EP400: variants seen among roughly 807,000 people sequenced by gnomAD.
EP400 encodes E1A binding protein p400, also known as E1A-binding protein p400.
A neutral mutation model predicts 354.1 loss-of-function variants in EP400; 105 were observed. The ratio of observed to expected loss-of-function variants is 0.30; its 90% CI spans 0.25 to 0.35. EP400 has a LOEUF of 0.35. Among genes scored for constraint, EP400 ranks in the 10% least tolerant of loss-of-function variants. The pLI, the probability that EP400 is intolerant of heterozygous loss-of-function variation, is 1.00. For synonymous variants in EP400, 1,646 were observed against 1,716.9 expected (o/e 0.96, Z 1.02); for missense variants, 3,280 against 4,121.0 (o/e 0.80, Z 5.59).
At chr12:131,980,941 G>A (rs80218017) in intron 3 of EP400, among the ~76,000 whole-genome samples, 1,982 of 152,314 alleles carry the variant, frequency 0.013, 52 homozygotes, top group African/African-American at 0.045. Context: ...GTGCTCAATT[G>A]CCCACCAAAA....
intron 45 of EP400, among the ~76,000 whole-genome samples, chr12:132,060,504 G>C (rs112111722): frequency 2.1e-3 from 323 of 152,368 alleles, no homozygotes; most frequent in African/African-American, 7.5e-3. Context: ...TGCCTTCAGA[G>C]GTGGAGCGGC....
At chr12:131,993,597 G>A (rs1234476915) in intron 11 of EP400, among the ~76,000 whole-genome samples, 1 of 152,144 alleles carries the variant, frequency 6.6e-6, no homozygotes, top group Non-Finnish European at 1.5e-5. Context: ...CTTAACAACG[G>A]GGATATATTC....
intron 1 of EP400, among the ~76,000 whole-genome samples, chr12:131,959,083 G>T (rs1305229884): frequency 2.6e-5 from 4 of 152,236 alleles, no homozygotes; most frequent in Non-Finnish European, 5.9e-5. Flanking sequence ...GCCTAAGTGT[G>T]AACTGGAACA....
chr12:132,011,834 G>A (rs1172015099), intron 16 of EP400, among the ~76,000 whole-genome samples, 200 bp downstream of exon 16: 1 of 152,098 alleles, frequency 6.6e-6, no homozygotes, highest in African/African-American at 2.4e-5. Context: ...TGTGAGGAGG[G>A]CCACGCACTC....
chr12:132,071,358 G>A (rs1248315970), intron 51 of EP400, among the ~76,000 whole-genome samples: 3 of 152,034 alleles, frequency 2.0e-5, no homozygotes, highest in Non-Finnish European at 4.4e-5. Context: ...ACCTGCCTTT[G>A]ACAGATCCAT....
intron 2 of EP400, among the ~76,000 whole-genome samples, chr12:131,973,197 C>A (rs1188884920): frequency 6.6e-6 from 1 of 152,160 alleles, no homozygotes; most frequent in Non-Finnish European, 1.5e-5. Flanking sequence ...ATTCATCTAA[C>A]CACTTTCTAG....
At chr12:132,006,453 C>A in intron 14 of EP400, 151 bp downstream of exon 14, 1 of 1,067,888 alleles carries the variant, frequency 9.4e-7, no homozygotes, top group Non-Finnish European at 1.3e-6. Flanking sequence ...GCCTGTAGTC[C>A]CAGCTACTCA....
chr12:131,999,430 G>A (rs1359592467), intron 12 of EP400, among the ~76,000 whole-genome samples: 1 of 152,100 alleles, frequency 6.6e-6, no homozygotes, highest in African/African-American at 2.4e-5. Context: ...TATGTTGTAG[G>A]TGGGTATTGC....
At chr12:132,066,537 G>A (rs1359121043) in intron 48 of EP400, 1 of 510,664 alleles carries the variant, frequency 2.0e-6, no homozygotes, top group Admixed American at 4.2e-5. Context: ...TCTGAACGCA[G>A]CAGCATGTGT....
chr12:132,019,886 A>G (rs925447194), intron 21 of EP400, among the ~76,000 whole-genome samples, 163 bp from the exon 22 acceptor site: 1 of 152,132 alleles, frequency 6.6e-6, no homozygotes, highest in African/African-American at 2.4e-5. Flanking sequence ...TACCTAGAGC[A>G]GTACTTAGGC....
intron 12 of EP400, among the ~76,000 whole-genome samples, chr12:131,996,781 TCTTC>T (rs1566178997): frequency 1.3e-5 from 2 of 152,204 alleles, no homozygotes; most frequent in African/African-American, 4.8e-5. Flanking sequence ...TTTTCGTGTT[TCTTC>T]CTTTGTTCAT....
rs1895833153 is a variant in EP400 at position 132,064,753 on chromosome 12, C to T, written c.8420C>T (p.Pro2807Leu). 3.1e-6 allele frequency: 5 copies of T among 1,613,678 alleles called. No homozygotes were observed. ...PPQAQSAPPQPTAQVQVQTSQ... is the reference protein window; with the variant it reads ...PPQAQSAPPQLTAQVQVQTSQ... Reference sequence around the variant, plus strand: ...CAGGCCCAGTCTGCGCCCCCGCAGCCAACAGCCCAAGTGCAAGTGCAGACC... The same window carrying T: ...CAGGCCCAGTCTGCGCCCCCGCAGCTAACAGCCCAAGTGCAAGTGCAGACC... Residue 2807 changes from proline to leucine, a missense_variant, in exon 48 of 53, where the codon CCA becomes CTA. This residue lies in a region of EP400 where 86 missense variants were observed against 66.4 expected (regional missense o/e 1.29). Transcript: ENST00000389561.
intron 30 of EP400, 143 bp downstream of exon 30, chr12:132,032,292 C>T: frequency 3.4e-6 from 3 of 887,944 alleles, no homozygotes; most frequent in Non-Finnish European, 1.7e-6. Flanking sequence ...AATGCAGAAA[C>T]AAAAGGTAGC....
In EP400 at chr12:132,029,805, TGA is replaced by T. The variant is rs1202933270; in HGVS notation, c.5492_5493del (p.Glu1831AlafsTer22). 6.2e-7 allele frequency: 1 copy of T among 1,613,636 alleles called. No individual in the cohort carries two copies. ...AGAATGAGGATCTTGAGGCAGGGCC[TGA>T]GAGAGCACGCTGCGCCGTACTTCCA... On this transcript the variant is annotated frameshift_variant, in exon 28 of 53. Coordinates refer to ENST00000389561, the MANE Select transcript of EP400 (RefSeq NM_015409.5). LOFTEE classifies it high-confidence loss of function. The surrounding 1 kb of genome is among the most constrained non-coding windows in gnomAD (Gnocchi z 4.7).
Position 131,974,109 on chromosome 12 carries a change from G to A in EP400, c.1336-5585G>A, listed in dbSNP as rs372577372. On this transcript the variant is annotated intron_variant, in intron 2 of 52. Transcript: ENST00000389561. ...TTCTCCCACCTCAGCCTCCCGAGTAGCTGGGACTACAGGCGTGTGCCACCA... is the reference window on the plus strand; with the variant it reads ...TTCTCCCACCTCAGCCTCCCGAGTAACTGGGACTACAGGCGTGTGCCACCA... 2.0e-5 allele frequency among the ~76,000 whole-genome samples: 3 copies of A among 151,760 alleles called. No homozygotes were observed. In the East Asian group the frequency reaches 5.8e-4, roughly 29 times the overall value.
At chr12:131,984,981 A>G (rs908028020) in intron 5 of EP400, among the ~76,000 whole-genome samples, 1 of 152,048 alleles carries the variant, frequency 6.6e-6, no homozygotes, top group African/African-American at 2.4e-5. Context: ...TCATTTTACA[A>G]TGCACATAAT....
At chr12:132,039,521 G>T (rs61944614) in intron 32 of EP400, among the ~76,000 whole-genome samples, 18,962 of 152,090 alleles carry the variant, frequency 0.12, 1,606 homozygotes, top group African/African-American at 0.24. Context: ...GGATCCACCC[G>T]TGACCCAAAC....
At chr12:131,951,939 CCTA>C (rs1891516991) in intron 1 of EP400, among the ~76,000 whole-genome samples, 1 of 151,344 alleles carries the variant, frequency 6.6e-6, no homozygotes, top group Non-Finnish European at 1.5e-5. Context: ...ACCACACCTG[CCTA>C]CTTTTTTTTT....
chr12:131,997,201 A>C (rs1462127904), intron 12 of EP400, among the ~76,000 whole-genome samples: 1 of 151,996 alleles, frequency 6.6e-6, no homozygotes, highest in Admixed American at 6.6e-5. Flanking sequence ...CTAATAGCCT[A>C]CTGTTGACTG....
Sources: gnomAD v4.1 joint callset for allele counts (sites outside exome capture counted in the v4.1 genomes callset) on GRCh38, gnomAD v4.1.1 for gene constraint, gnomAD v4.1.1 regional missense constraint, Gnocchi (gnomAD v3.1) non-coding constraint, MANE v1.5 for transcripts, NCBI Gene and HGNC (gene_info 2026-07-23, HGNC 2026-07-21) for gene names.